The following DOCK2 variants were observed in gnomAD, a reference collection of about 807,000 sequenced individuals.
DOCK2 encodes dedicator of cytokinesis 2, also known as dedicator of cytokinesis protein 2.
In DOCK2, 87 loss-of-function variants were observed where a neutral mutation model predicts 248.9. That is an observed-to-expected ratio of 0.35 (90% CI 0.29 to 0.42). DOCK2 has a LOEUF of 0.42. DOCK2 is among the 10% of genes least tolerant of loss of function. The probability of loss-of-function intolerance (pLI) is 1.00; values close to 1 mark genes in which losing one functional copy is unlikely to be tolerated. For synonymous variants in DOCK2, 805 were observed against 821.6 expected, an observed-to-expected ratio of 0.98 and a Z score of 0.35; for missense variants, 1,747 against 2,300.2, an observed-to-expected ratio of 0.76 and a Z score of 4.92.
chr5:169,730,299 G>A (rs1762702995), intron 22 of DOCK2, among the ~76,000 whole-genome samples: 1 of 152,184 alleles, frequency 6.6e-6, no homozygotes, highest in Non-Finnish European at 1.5e-5. Context: ...TCAGCCATGC[G>A]ATGGCTGGAT....
chr5:169,637,447 C>G (rs545939780), intron 1 of DOCK2, 78 bp downstream of exon 1: 6 of 1,279,404 alleles, frequency 4.7e-6, no homozygotes, highest in Non-Finnish European at 4.9e-6. Flanking sequence ...GCTGCGGGGC[C>G]GGCGGCGCGG....
intron 26 of DOCK2, among the ~76,000 whole-genome samples, chr5:169,805,628 G>A (rs1767312578): frequency 6.6e-6 from 1 of 152,192 alleles, no homozygotes. Flanking sequence ...GTAGGATGCT[G>A]AGGCTCTGCC....
chr5:170,058,753 AG>A (rs1374352420), intron 44 of DOCK2, among the ~76,000 whole-genome samples: 1 of 152,192 alleles, frequency 6.6e-6, no homozygotes, highest in Admixed American at 6.5e-5. Flanking sequence ...TGAGCAGAGG[AG>A]GGACGTGGTC....
chr5:169,988,326 G>C (rs1488585058), intron 29 of DOCK2, among the ~76,000 whole-genome samples: 1 of 152,016 alleles, frequency 6.6e-6, no homozygotes, highest in Non-Finnish European at 1.5e-5. Context: ...CATGAAATTA[G>C]TTCATTTAAT....
At chr5:169,681,249 G>A (rs1759647273) in intron 6 of DOCK2, among the ~76,000 whole-genome samples, 4 of 148,870 alleles carry the variant, frequency 2.7e-5, no homozygotes, top group Middle Eastern at 3.4e-3. Context: ...TCAGCCTCCC[G>A]AGTAGCTGGG....
At chr5:170,075,903 C>T in intron 46 of DOCK2, 44 bp from the exon 47 acceptor site, 1 of 1,608,316 alleles carries the variant, frequency 6.2e-7, no homozygotes, top group Non-Finnish European at 8.5e-7. Context: ...AGGCTGAGGC[C>T]CACCGGTCAG....
chr5:169,747,308 A>T, intron 22 of DOCK2, 88 bp from the exon 23 acceptor site: 1 of 1,242,490 alleles, frequency 8.0e-7, no homozygotes, highest in Non-Finnish European at 1.1e-6. Flanking sequence ...TTTTTGTTTT[A>T]AATTTTAAAT....
chr5:169,759,919 C>A, intron 24 of DOCK2, 144 bp downstream of exon 24: 1 of 843,768 alleles, frequency 1.2e-6, no homozygotes, highest in Non-Finnish European at 1.8e-6. Flanking sequence ...TCAGGGTTTC[C>A]GGTGTGGTAT....
intron 25 of DOCK2, among the ~76,000 whole-genome samples, chr5:169,781,206 A>T (rs549321999): frequency 6.6e-6 from 1 of 152,232 alleles, no homozygotes; most frequent in African/African-American, 2.4e-5. Flanking sequence ...GAGTACCTGG[A>T]GAAAATCCAC....
At chr5:169,754,689 C>T (rs996930203) in intron 23 of DOCK2, among the ~76,000 whole-genome samples, 2 of 152,140 alleles carry the variant, frequency 1.3e-5, no homozygotes, top group African/African-American at 4.8e-5. Flanking sequence ...CAGTAGTGGA[C>T]GTACTGGATA....
At chr5:169,686,127 G>A (rs975176242) in intron 8 of DOCK2, among the ~76,000 whole-genome samples, 2 of 152,216 alleles carry the variant, frequency 1.3e-5, no homozygotes, top group African/African-American at 2.4e-5. Context: ...GGGAGTCAGA[G>A]GCAGGGGCCC....
chr5:170,068,353 T>C (rs1413013980), intron 45 of DOCK2, among the ~76,000 whole-genome samples: 1 of 152,198 alleles, frequency 6.6e-6, no homozygotes, highest in Non-Finnish European at 1.5e-5. Flanking sequence ...TAGAAAGTTC[T>C]TACTTGGTTT....
At chr5:170,080,126 T>TTGTGTGTG in intron 49 of DOCK2, 37 bp from the exon 50 acceptor site, 2 of 1,512,058 alleles carry the variant, frequency 1.3e-6, no homozygotes, top group Middle Eastern at 1.7e-4. Context: ...GCCTCTGTCT[T>TTGTGTGTG]TGTGTGTGTG....
At chr5:170,041,288 G>A in intron 37 of DOCK2, 143 bp downstream of exon 37, 2 of 747,294 alleles carry the variant, frequency 2.7e-6, no homozygotes, top group South Asian at 3.4e-5. Context: ...GAGCTGGCAG[G>A]ATACTTTTTG....
chr5:169,785,605 A>G (rs1765943490), intron 25 of DOCK2, among the ~76,000 whole-genome samples: 1 of 152,158 alleles, frequency 6.6e-6, no homozygotes, highest in Non-Finnish European at 1.5e-5. Context: ...TGTTTTTCCC[A>G]TTATCTTTAA....
chr5:169,900,208 G>A (rs182495308), intron 27 of DOCK2, among the ~76,000 whole-genome samples: 1 of 152,300 alleles, frequency 6.6e-6, no homozygotes, highest in East Asian at 1.9e-4. Flanking sequence ...TTTAAGCAAG[G>A]TCAGGTATTG....
intron 26 of DOCK2, among the ~76,000 whole-genome samples, chr5:169,807,655 A>G (rs1186049154): frequency 6.6e-6 from 1 of 151,340 alleles, no homozygotes; most frequent in East Asian, 1.9e-4. Context: ...ATACGGTGAA[A>G]CCCCGTCTCT....
chr5:170,002,211 C>T (rs1010566225), intron 30 of DOCK2, among the ~76,000 whole-genome samples: 4 of 146,932 alleles, frequency 2.7e-5, no homozygotes, highest in African/African-American at 7.6e-5. Context: ...TAAATAAAGG[C>T]GTTGATTACA....
chr5:169,759,419 A>T (rs114193314), intron 23 of DOCK2, among the ~76,000 whole-genome samples: 233 of 152,380 alleles, frequency 1.5e-3, no homozygotes, highest in South Asian at 3.1e-3. Context: ...CCTCATGGCT[A>T]ATAAGGTGTG....
Sources: allele counts gnomAD v4.1 joint callset (sites outside exome capture counted in the v4.1 genomes callset), GRCh38; gene constraint gnomAD v4.1.1; transcripts MANE v1.5; gene names NCBI Gene and HGNC (gene_info 2026-07-23, HGNC 2026-07-21).